GALNT11: variants seen among roughly 807,000 people sequenced by gnomAD.
GALNT11 encodes the protein UDP-GalNAc:polypeptide N-acetylgalactosaminyltransferase 11.
A neutral mutation model predicts 72.7 loss-of-function variants in GALNT11; 47 were observed. The observed-to-expected ratio is 0.65, with a 90% CI of 0.51 to 0.82. GALNT11 has a LOEUF of 0.82. Among genes scored for constraint, GALNT11 ranks in the 40% least tolerant of loss-of-function variants. The pLI, the probability that GALNT11 is intolerant of heterozygous loss-of-function variation, is 0.00. For synonymous variants in GALNT11, 270 were observed against 286.6 expected (o/e 0.94, Z 0.58); for missense variants, 677 against 778.4 (o/e 0.87, Z 1.55).
chr7:152,114,153 TCTCTTCTGC>T (rs1490160483), intron 8 of GALNT11, among the ~76,000 whole-genome samples: 1 of 152,158 alleles, frequency 6.6e-6, no homozygotes, highest in Non-Finnish European at 1.5e-5. Flanking sequence ...CTTCCCACTT[TCTCTTCTGC>T]CTTAGGTCAC....
intron 1 of GALNT11, among the ~76,000 whole-genome samples, chr7:152,036,709 T>G (rs2151995809): frequency 6.6e-6 from 1 of 152,312 alleles, no homozygotes; most frequent in South Asian, 2.1e-4. Context: ...CCACCAATGG[T>G]GTATGAGGAT....
chr7:152,052,880 C>G (rs2083467175), intron 1 of GALNT11, among the ~76,000 whole-genome samples: 1 of 152,176 alleles, frequency 6.6e-6, no homozygotes, highest in South Asian at 2.1e-4. Flanking sequence ...AAACAACATT[C>G]ATCTTCTGTT....
chr7:152,105,592 G>A (rs2087452714), intron 5 of GALNT11, among the ~76,000 whole-genome samples: 2 of 152,164 alleles, frequency 1.3e-5, no homozygotes, highest in South Asian at 4.1e-4. Context: ...AATCCTCAGT[G>A]TCTATTTTCA....
chr7:152,100,679 GA>G, intron 2 of GALNT11, 118 bp from the exon 3 acceptor site: 2 of 1,280,916 alleles, frequency 1.6e-6, no homozygotes, highest in Non-Finnish European at 2.1e-6. Context: ...CTAAGTTTGA[GA>G]AAAGAGATAT....
At chr7:152,110,279 A>G (rs2088040609) in intron 6 of GALNT11, among the ~76,000 whole-genome samples, 1 of 152,208 alleles carries the variant, frequency 6.6e-6, no homozygotes, top group South Asian at 2.1e-4. Context: ...AGAAATGGTT[A>G]TAATAGGAAA....
intron 1 of GALNT11, among the ~76,000 whole-genome samples, chr7:152,030,515 T>A (rs2082258527): frequency 6.6e-6 from 1 of 152,210 alleles, no homozygotes; most frequent in Non-Finnish European, 1.5e-5. Flanking sequence ...TTAGTATAAC[T>A]TCTTATTTTA....
chr7:152,026,591 G>A (rs1484014563), intron 1 of GALNT11, among the ~76,000 whole-genome samples: 1 of 152,232 alleles, frequency 6.6e-6, no homozygotes, highest in African/African-American at 2.4e-5. Flanking sequence ...ATGTCTGACG[G>A]CTTCCTCTGC....
intron 2 of GALNT11, among the ~76,000 whole-genome samples, chr7:152,099,678 G>A (rs545854940): frequency 1.3e-5 from 2 of 149,852 alleles, no homozygotes; most frequent in Non-Finnish European, 3.0e-5. Context: ...ATAAGCAGCC[G>A]CGCCCTGCCT....
intron 9 of GALNT11, 115 bp from the exon 10 acceptor site, chr7:152,118,563 C>G (rs1211134684): frequency 1.3e-6 from 1 of 794,200 alleles, no homozygotes; most frequent in Non-Finnish European, 2.0e-6. Context: ...TTTTTATGAG[C>G]CTTGGAATTC....
intron 1 of GALNT11, among the ~76,000 whole-genome samples, chr7:152,056,349 C>T (rs1156684673): frequency 1.3e-5 from 2 of 152,184 alleles, no homozygotes; most frequent in African/African-American, 4.8e-5. Flanking sequence ...CCAGGTATGG[C>T]AACCAAAAAT....
At chr7:152,107,849 C>T in intron 5 of GALNT11, 189 bp from the exon 6 acceptor site, 1 of 598,080 alleles carries the variant, frequency 1.7e-6, no homozygotes. Flanking sequence ...CTGCACGCAG[C>T]ATTACTGGCT....
intron 2 of GALNT11, among the ~76,000 whole-genome samples, chr7:152,099,587 C>T (rs1170940668): frequency 2.2e-5 from 3 of 133,824 alleles, no homozygotes; most frequent in East Asian, 2.1e-4. Context: ...GGGGTTTCAC[C>T]GTGTTGGCCA....
intron 1 of GALNT11, among the ~76,000 whole-genome samples, chr7:152,039,152 C>T (rs1414322553): frequency 1.3e-5 from 2 of 152,212 alleles, no homozygotes; most frequent in Non-Finnish European, 2.9e-5. Context: ...GGCACGCAGA[C>T]TGAGGTGCAA....
In GALNT11 at chr7:152,108,305, T is replaced by C; in HGVS notation, c.962+18T>C. ...CCAATAAAGTAAGATCGCTCCTTTG[T>C]TTGACAAATTCCTACCAGTGCTTCC... On this transcript the variant is annotated intron_variant, in intron 6 of 11. Coordinates refer to ENST00000430044, the MANE Select transcript of GALNT11 (RefSeq NM_022087.4). 1.3e-6 allele frequency: 2 copies of C among 1,592,268 alleles called. No individual in the cohort carries two copies. The highest frequency in any genetic ancestry group is 1.7e-6 in the Non-Finnish European group (2 of 1,163,264).
chr7:152,093,230 A>G (rs1171537619), intron 1 of GALNT11, among the ~76,000 whole-genome samples: 1 of 150,546 alleles, frequency 6.6e-6, no homozygotes, highest in Admixed American at 6.6e-5. Flanking sequence ...CTCTGTCTTA[A>G]AAAGGAAAAA....
chr7:152,048,463 C>G (rs2083247643), intron 1 of GALNT11, among the ~76,000 whole-genome samples: 2 of 151,854 alleles, frequency 1.3e-5, no homozygotes, highest in Admixed American at 1.3e-4. Flanking sequence ...GTTATTGTCT[C>G]TTGGAATTAA....
At chr7:152,058,110 T>C (rs2083789209) in intron 1 of GALNT11, among the ~76,000 whole-genome samples, 1 of 152,162 alleles carries the variant, frequency 6.6e-6, no homozygotes, top group African/African-American at 2.4e-5. Flanking sequence ...ATAAAAGTTA[T>C]GTTTACACTA....
At chr7:152,067,226 A>G (rs1407329192) in intron 1 of GALNT11, among the ~76,000 whole-genome samples, 1 of 152,206 alleles carries the variant, frequency 6.6e-6, no homozygotes, top group Non-Finnish European at 1.5e-5. Flanking sequence ...ATCACTATTT[A>G]GAGTAATCTC....
chr7:152,055,342 A>G (rs1299190659), intron 1 of GALNT11, among the ~76,000 whole-genome samples: 2 of 152,186 alleles, frequency 1.3e-5, no homozygotes, highest in African/African-American at 4.8e-5. Flanking sequence ...TCTTAAACTC[A>G]TTTATGGAAT....
Sources: allele counts gnomAD v4.1 joint callset (sites outside exome capture counted in the v4.1 genomes callset), GRCh38; gene constraint gnomAD v4.1.1; transcripts MANE v1.5; gene names NCBI Gene and HGNC (gene_info 2026-07-23, HGNC 2026-07-21).